PKIB: variants seen among roughly 807,000 people sequenced by gnomAD.
The protein encoded by PKIB is cAMP-dependent protein kinase inhibitor beta, also known as PKI-beta.
PKIB carries 2 observed loss-of-function variants against 4.5 expected under a neutral mutation model. That is an observed-to-expected ratio of 0.44 (90% CI 0.18 to 1.39). PKIB has a LOEUF of 1.39. PKIB is among the 40% of genes most tolerant of loss of function. PKIB has a pLI of 0.27. For missense variants in PKIB, 94 were observed against 92.6 expected, an observed-to-expected ratio of 1.02 and a Z score of -0.06; for synonymous variants, 38 against 36.0, an observed-to-expected ratio of 1.06 and a Z score of -0.20.
intron 2 of PKIB, among the ~76,000 whole-genome samples, chr6:122,526,790 C>G (rs1425536038): frequency 6.6e-6 from 1 of 152,006 alleles, no homozygotes; most frequent in East Asian, 1.9e-4. Context: ...GGTAAATGAG[C>G]ATTTGTTTCT....
At chr6:122,552,350 T>C (rs935942342) in intron 2 of PKIB, among the ~76,000 whole-genome samples, 2 of 151,952 alleles carry the variant, frequency 1.3e-5, no homozygotes, top group Non-Finnish European at 2.9e-5. Flanking sequence ...TCTCCACATC[T>C]CAGGCAGTTT....
In PKIB at chr6:122,712,781, T is replaced by C. The variant is rs1582838055; in HGVS notation, c.-8-5006T>C. Among the ~76,000 whole-genome samples the C allele has an allele frequency of 3.3e-5, 5 of 152,316 alleles. No individual in the cohort carries two copies. The South Asian group carries it at 6.2e-4, about 19-fold the overall frequency. On this transcript the variant is annotated intron_variant, in intron 3 of 4. Coordinates refer to ENST00000368452, the MANE Select transcript of PKIB (RefSeq NM_181795.3). The stretch of plus-strand genomic sequence containing the variant: ...TCTGGAGATGAGAAAAGAATGGATC[T>C]ACCATTTTGCAATCTTGGCTTCAAG...
rs757275679 is a variant in PKIB at position 122,549,891 on chromosome 6, TACACACAC to T, written c.-247-36018_-247-36011del. Among the ~76,000 whole-genome samples, 49 of 144,170 alleles carry T rather than the reference TACACACAC, an allele frequency of 3.4e-4. 1 individual carries two copies. Among genetic ancestry groups the T allele is most frequent in the African/African-American group, 1.2e-3 (47 of 39,530 alleles). The allele number at this position is 144,170 out of a possible 152,430, so 94.6% of individuals were successfully genotyped here. A position where few individuals can be genotyped will look rare whatever the true frequency, so the allele number is the denominator to read the frequency against. ...ATATAAAAATATATAATTTTATATA[TACACACAC>T]ACACACACACATATATATATATACA... On this transcript the variant is annotated intron_variant, in intron 2 of 6. Transcript: ENST00000392491.
intron 3 of PKIB, among the ~76,000 whole-genome samples, chr6:122,698,508 C>G (rs894984606): frequency 6.6e-6 from 1 of 152,136 alleles, no homozygotes; most frequent in Non-Finnish European, 1.5e-5. Context: ...CAGTGTGTGG[C>G]CAGTAATTGC....
chr6:122,693,106 G>A (rs1292002157), intron 3 of PKIB, among the ~76,000 whole-genome samples: 1 of 152,194 alleles, frequency 6.6e-6, no homozygotes, highest in East Asian at 1.9e-4. Flanking sequence ...TTCCACAACT[G>A]TAATTGGGGC....
chr6:122,514,377 A>G (rs1776681536), intron 2 of PKIB, among the ~76,000 whole-genome samples: 1 of 152,196 alleles, frequency 6.6e-6, no homozygotes, highest in Admixed American at 6.5e-5. Context: ...AGCAAACTCA[A>G]ATTCTCTATG....
intron 1 of PKIB, among the ~76,000 whole-genome samples, chr6:122,623,358 A>T (rs1775313262): frequency 6.6e-6 from 1 of 152,222 alleles, no homozygotes; most frequent in African/African-American, 2.4e-5. Flanking sequence ...GGTTCTTCTT[A>T]AGATCCAGGC....
At chr6:122,595,012 CGTT>C (rs1036281357) in intron 3 of PKIB, among the ~76,000 whole-genome samples, 3 of 152,124 alleles carry the variant, frequency 2.0e-5, no homozygotes, top group African/African-American at 7.2e-5. Context: ...TTAATGGGAT[CGTT>C]GTTGCAACTC....
intron 2 of PKIB, among the ~76,000 whole-genome samples, chr6:122,665,299 A>G (rs538638594): frequency 6.6e-6 from 1 of 152,360 alleles, no homozygotes; most frequent in Non-Finnish European, 1.5e-5. Flanking sequence ...TTGTTCTTGC[A>G]GATAATGCTT....
chr6:122,717,238 G>A (rs1168305066), intron 3 of PKIB, among the ~76,000 whole-genome samples: 1 of 152,028 alleles, frequency 6.6e-6, no homozygotes, highest in Non-Finnish European at 1.5e-5. Context: ...TGAGTCTATC[G>A]AAAATTAGGT....
At chr6:122,657,327 C>T (rs568059257) in intron 2 of PKIB, among the ~76,000 whole-genome samples, 2 of 152,242 alleles carry the variant, frequency 1.3e-5, no homozygotes, top group East Asian at 1.9e-4. Context: ...ATGAACATCA[C>T]CAAAATGCTT....
In PKIB at chr6:122,511,378, TA is replaced by T. The variant is rs541652068; in HGVS notation, c.-248+33440del. On this transcript the variant is annotated intron_variant, in intron 2 of 6. Coordinates refer to the PKIB transcript ENST00000392491. ...GGCAAGCTCAAATATGTGGTGTACT[TA>T]CTTTCAGTTTGTCCCATTTGTGTCC... Among the ~76,000 whole-genome samples the T allele has an allele frequency of 1.2e-3, 182 of 152,360 alleles. 1 individual carries two copies. The highest frequency in any genetic ancestry group is 2.4e-3 in the Non-Finnish European group (160 of 68,032).
intron 2 of PKIB, among the ~76,000 whole-genome samples, chr6:122,530,637 T>G (rs972308028): frequency 6.6e-6 from 1 of 152,182 alleles, no homozygotes; most frequent in Non-Finnish European, 1.5e-5. Flanking sequence ...TTTTATGATC[T>G]CTGGCTCTCT....
chr6:122,647,295 A>C (rs1776361194), intron 2 of PKIB, among the ~76,000 whole-genome samples: 1 of 152,320 alleles, frequency 6.6e-6, no homozygotes, highest in Admixed American at 6.5e-5. Flanking sequence ...ACTTAAAGTC[A>C]ATTGATTGCA....
chr6:122,520,367 A>C (rs1056508273), intron 2 of PKIB, among the ~76,000 whole-genome samples: 2 of 152,272 alleles, frequency 1.3e-5, no homozygotes, highest in African/African-American at 2.4e-5. Flanking sequence ...TGAGTTACAC[A>C]AGCTGATTTT....
At chr6:122,724,281 G>C (rs555401117) in intron 4 of PKIB, among the ~76,000 whole-genome samples, 13 of 152,226 alleles carry the variant, frequency 8.5e-5, no homozygotes, top group Non-Finnish European at 1.5e-4. Flanking sequence ...ATGATTATTA[G>C]AGTCAGCCTC....
chr6:122,613,959 C>CA (rs67112737), intron 1 of PKIB, among the ~76,000 whole-genome samples: 13,715 of 77,294 alleles, frequency 0.18, 1,343 homozygotes, highest in South Asian at 0.34. Context: ...GAGACTCCAT[C>CA]AAAAAAAAAA....
intron 3 of PKIB, among the ~76,000 whole-genome samples, chr6:122,696,866 C>T (rs1778595597): frequency 6.6e-6 from 1 of 152,232 alleles, no homozygotes; most frequent in Admixed American, 6.5e-5. Context: ...TTTCTCCACA[C>T]TTCAGTCTCC....
chr6:122,660,683 C>A (rs1370722305), intron 2 of PKIB, among the ~76,000 whole-genome samples: 3 of 152,090 alleles, frequency 2.0e-5, no homozygotes, highest in African/African-American at 4.8e-5. Flanking sequence ...GTTCCCCCAA[C>A]CTTTGCAATT....
Sources: allele counts gnomAD v4.1 joint callset (sites outside exome capture counted in the v4.1 genomes callset), GRCh38; gene constraint gnomAD v4.1.1; transcripts MANE v1.5; gene names NCBI Gene and HGNC (gene_info 2026-07-23, HGNC 2026-07-21).